Variants in PCDHGB1 observed in about 807,000 individuals in gnomAD.
The protein encoded by PCDHGB1 is protocadherin gamma-B1.
Under a neutral mutation model 56.6 loss-of-function variants are expected in PCDHGB1, and 34 were observed. The ratio of observed to expected loss-of-function variants is 0.60; its 90% confidence interval spans 0.46 to 0.80. PCDHGB1 has a LOEUF of 0.80. Among genes scored for constraint, PCDHGB1 ranks in the 30% least tolerant of loss-of-function variants. The pLI is 0.00. For synonymous variants in PCDHGB1, 561 were observed against 505.9 expected, an observed-to-expected ratio of 1.11 and a Z score of -1.46; for missense variants, 1,278 against 1,204.6, an observed-to-expected ratio of 1.06 and a Z score of -0.90.
At chr5:141,419,773 C>G (rs2096431068) in intron 1 of PCDHGB1, 1 of 1,613,916 alleles carries the variant, frequency 6.2e-7, no homozygotes, top group Non-Finnish European at 8.5e-7. Context: ...AGGACTCGGT[C>G]CGCCAGCGCC....
Position 141,485,890 on chromosome 5 carries a change from C to G in PCDHGB1, c.2410-8917C>G. 4 of 1,614,156 alleles carry G rather than the reference C, an allele frequency of 2.5e-6. No individual in the cohort carries two copies. Among genetic ancestry groups the G allele is most frequent in the Non-Finnish European group, 2.5e-6 (3 of 1,180,022 alleles). The stretch of plus-strand genomic sequence containing the variant: ...CCGTGCTGGACGTAAACGACAACGC[C>G]CCAGCCTTCCAGCAATCCAGCTACA... On this transcript the variant is annotated intron_variant, in intron 1 of 3. Coordinates refer to ENST00000523390, the MANE Select transcript of PCDHGB1 (RefSeq NM_018922.3). The surrounding 1 kb of genome is among the most constrained non-coding windows in gnomAD (Gnocchi z 5.7).
At chr5:141,426,514 G>A (rs867794856) in intron 1 of PCDHGB1, 22 of 340,738 alleles carry the variant, frequency 6.5e-5, no homozygotes, top group Non-Finnish European at 8.2e-5. Context: ...ATACTTTACC[G>A]TGAACACGGA....
At chr5:141,435,112 T>A (rs906494104) in intron 1 of PCDHGB1, among the ~76,000 whole-genome samples, 1 of 152,102 alleles carries the variant, frequency 6.6e-6, no homozygotes, top group Non-Finnish European at 1.5e-5. Context: ...GGGGGAGAAA[T>A]CTAATTCAAT....
Position 141,431,228 on chromosome 5 carries a change from GC to G in PCDHGB1, c.2410-63577del. The G allele has an allele frequency of 6.2e-7, 1 of 1,614,118 alleles. No homozygotes were observed. Among genetic ancestry groups the G allele is most frequent in the Non-Finnish European group, 8.5e-7 (1 of 1,180,030 alleles). On this transcript the variant is annotated intron_variant, in intron 1 of 3. Transcript: ENST00000523390. This position sits in a 1 kb window ranked among gnomAD's most constrained non-coding sequence, Gnocchi z 4.8. ...TGAGATGCGGTTCCCTCTACCCCAC[GC>G]CTGGGATCCGGATATCGGGAAGAAC...
chr5:141,407,807 T>G (rs916388568), intron 1 of PCDHGB1, among the ~76,000 whole-genome samples: 1 of 152,202 alleles, frequency 6.6e-6, no homozygotes, highest in African/African-American at 2.4e-5. Context: ...CATAGAAATA[T>G]CTACTATAAT....
intron 1 of PCDHGB1, among the ~76,000 whole-genome samples, chr5:141,469,096 G>A (rs1191827174): frequency 6.6e-6 from 1 of 151,944 alleles, no homozygotes; most frequent in Non-Finnish European, 1.5e-5. Flanking sequence ...AGGCAACAAA[G>A]CAAGAACCTG....
At chr5:141,371,173 C>T in intron 1 of PCDHGB1, 8 of 1,613,998 alleles carry the variant, frequency 5.0e-6, no homozygotes, top group Non-Finnish European at 6.8e-6. Context: ...GCTGGCTCCT[C>T]CGTATTAAAA....
intron 1 of PCDHGB1, chr5:141,419,239 C>T (rs374093302): frequency 3.7e-6 from 6 of 1,614,008 alleles, no homozygotes; most frequent in East Asian, 2.2e-5. Context: ...ACCTGGTCCA[C>T]GTGCCAGAAA....
chr5:141,366,108 C>A (rs1179892338), intron 1 of PCDHGB1: 1 of 1,614,222 alleles, frequency 6.2e-7, no homozygotes, highest in South Asian at 1.1e-5. Flanking sequence ...AAGGTGGTAG[C>A]GGTGGACAAA....
chr5:141,421,574 A>C, intron 1 of PCDHGB1: 1 of 1,613,924 alleles, frequency 6.2e-7, no homozygotes. Flanking sequence ...GACACCTTGA[A>C]GATTTACGGA....
rs764313049 is a variant in PCDHGB1, at chr5:141,418,041, T to G, written c.2409+65372T>G. 36 of 1,613,976 alleles carry G rather than the reference T, an allele frequency of 2.2e-5. No homozygotes were observed. In the Admixed American group the frequency reaches 2.3e-4, roughly 10 times the overall value. On this transcript the variant is annotated intron_variant, in intron 1 of 3. Coordinates refer to ENST00000523390, the MANE Select transcript of PCDHGB1 (RefSeq NM_018922.3). Reference sequence around the variant, plus strand: ...GATCTAGGGCTTAGTGTCCTGGATGTGTCGGCTCGCGAGCTGCGAGTGAGC... The same window carrying G: ...GATCTAGGGCTTAGTGTCCTGGATGGGTCGGCTCGCGAGCTGCGAGTGAGC...
At chr5:141,415,740 G>GTTTTTTT (rs57426385) in intron 1 of PCDHGB1, 164 of 624,990 alleles carry the variant, frequency 2.6e-4, no homozygotes, top group African/African-American at 5.0e-4. Flanking sequence ...GTTTATTAAG[G>GTTTTTTT]TTTTTTTTTT....
intron 2 of PCDHGB1, among the ~76,000 whole-genome samples, chr5:141,502,135 G>A (rs1254187943): frequency 6.6e-6 from 1 of 152,154 alleles, no homozygotes; most frequent in East Asian, 1.9e-4. Context: ...GAGCTCAGTC[G>A]GGCCGGAAGT....
intron 2 of PCDHGB1, among the ~76,000 whole-genome samples, chr5:141,498,963 GGGAGGGAGGGAAGGAAGGAA>G (rs1472475865): frequency 5.7e-4 from 74 of 129,970 alleles, no homozygotes; most frequent in Non-Finnish European, 2.6e-4. Flanking sequence ...GAGAGAGGGA[GGGAGGGAGGGAAGGAAGGAA>G]GGAAGGAAGG....
intron 3 of PCDHGB1, among the ~76,000 whole-genome samples, chr5:141,510,660 G>A (rs2099882170): frequency 1.3e-5 from 2 of 152,174 alleles, no homozygotes; most frequent in East Asian, 1.9e-4. Context: ...TTTTGCAGAT[G>A]AGAAAACTGA....
At chr5:141,481,943 G>C (rs1454871018) in intron 1 of PCDHGB1, among the ~76,000 whole-genome samples, 1 of 148,544 alleles carries the variant, frequency 6.7e-6, no homozygotes, top group South Asian at 2.1e-4. Context: ...AAATCAGCCA[G>C]ATGTGGTGGC....
At position 141,486,047 on chromosome 5, in the gene PCDHGB1, C is replaced by G. The variant is rs763394605; in HGVS notation, c.2410-8760C>G. The G allele has an allele frequency of 3.1e-6, 5 of 1,614,172 alleles. No homozygotes were observed. The East Asian group carries it at 6.7e-5, about 22-fold the overall frequency. On this transcript the variant is annotated intron_variant, in intron 1 of 3. Transcript: ENST00000523390. This position sits in a 1 kb window ranked among gnomAD's most constrained non-coding sequence, Gnocchi z 5.0. ...TCATACCCCTGATCGTGTAAGAAAC[C>G]TCTTTAGCCTGCACCCCACTACTGG...
intron 3 of PCDHGB1, 93 bp downstream of exon 3, chr5:141,505,574 C>G: frequency 6.3e-7 from 1 of 1,593,636 alleles, no homozygotes; most frequent in South Asian, 1.1e-5. Flanking sequence ...GGATGTCAAA[C>G]CTGTGTAGTT....
rs2099615088 is a variant in PCDHGB1, at chr5:141,485,526, G to A, written c.2410-9281G>A. On this transcript the variant is annotated intron_variant, in intron 1 of 3. Coordinates refer to ENST00000523390, the MANE Select transcript of PCDHGB1 (RefSeq NM_018922.3). The surrounding 1 kb of genome is among the most constrained non-coding windows in gnomAD (Gnocchi z 5.7). Reference sequence around the variant, plus strand: ...ACCGAAGGTCCTTTGGAAATGTACCGAGCAGAGGTAGAGATCGTAGATGTG... The same window carrying A: ...ACCGAAGGTCCTTTGGAAATGTACCAAGCAGAGGTAGAGATCGTAGATGTG... 6.2e-7 allele frequency: 1 copy of A among 1,614,154 alleles called. No individual in the cohort carries two copies. The highest frequency in any genetic ancestry group is 2.2e-5 in the East Asian group (1 of 44,880).
Sources: gnomAD v4.1 joint callset for allele counts (sites outside exome capture counted in the v4.1 genomes callset) on GRCh38, gnomAD v4.1.1 for gene constraint, Gnocchi (gnomAD v3.1) non-coding constraint, MANE v1.5 for transcripts, NCBI Gene and HGNC (gene_info 2026-07-23, HGNC 2026-07-21) for gene names.